The following FREM3 variants were observed in gnomAD, a reference collection of about 807,000 sequenced individuals.
The protein encoded by FREM3 is FRAS1-related extracellular matrix protein 3.
Under a neutral mutation model 129.1 loss-of-function variants are expected in FREM3, and 105 were observed. The observed-to-expected ratio is 0.81, with a 90% CI of 0.69 to 0.96. The LOEUF is 0.96. FREM3 is among the 40% of genes least tolerant of loss of function. The pLI is 0.00. For synonymous variants in FREM3, 1,014 were observed against 1,044.9 expected (o/e 0.97, Z 0.57); for missense variants, 2,593 against 2,666.3 (o/e 0.97, Z 0.61).
intron 2 of FREM3, among the ~76,000 whole-genome samples, chr4:143,676,246 T>G (rs1740117611): frequency 6.6e-6 from 1 of 151,890 alleles, no homozygotes; most frequent in Non-Finnish European, 1.5e-5. Flanking sequence ...CATATGCAAA[T>G]CAATAAACTT....
Position 143,577,494 on chromosome 4 carries a change from C to T in FREM3, c.*117G>A. ...ATTTCCACATATCACCAGAATATAACACCAATGACAGTACAATATCACTGA... is the reference window on the plus strand; with the variant it reads ...ATTTCCACATATCACCAGAATATAATACCAATGACAGTACAATATCACTGA... On this transcript the variant is annotated 3_prime_UTR_variant, in exon 8 of 8. Transcript: ENST00000329798. 1 of 938,414 alleles carries T rather than the reference C, an allele frequency of 1.1e-6. No homozygotes were observed. Among genetic ancestry groups the T allele is most frequent in the Non-Finnish European group, 1.6e-6 (1 of 643,222 alleles). The allele number at this position is 938,414 out of a possible 1,614,324, so 58.1% of individuals were successfully genotyped here. A position where few individuals can be genotyped will look rare whatever the true frequency, so the allele number is the denominator to read the frequency against.
intron 2 of FREM3, among the ~76,000 whole-genome samples, chr4:143,672,801 C>T (rs1379079601): frequency 6.6e-6 from 1 of 152,106 alleles, no homozygotes. Flanking sequence ...CTTTTTATTC[C>T]TTTTTCTCTA....
intron 2 of FREM3, among the ~76,000 whole-genome samples, chr4:143,642,952 C>A (rs528178976): frequency 6.6e-6 from 1 of 152,090 alleles, no homozygotes; most frequent in Non-Finnish European, 1.5e-5. Flanking sequence ...AAACAATGGG[C>A]AGAAGGCCTT....
chr4:143,602,728 G>A (rs1427800613), intron 6 of FREM3, among the ~76,000 whole-genome samples: 2 of 152,162 alleles, frequency 1.3e-5, no homozygotes, highest in Non-Finnish European at 2.9e-5. Flanking sequence ...GTAGAGTCAG[G>A]CTAGGTTAGC....
chr4:143,598,743 A>G (rs1350291342), intron 6 of FREM3, among the ~76,000 whole-genome samples: 1 of 152,150 alleles, frequency 6.6e-6, no homozygotes, highest in Non-Finnish European at 1.5e-5. Flanking sequence ...CTGTATTTTT[A>G]TTATACCTTT....
At chr4:143,658,655 G>A (rs1258416989) in intron 2 of FREM3, among the ~76,000 whole-genome samples, 7 of 152,138 alleles carry the variant, frequency 4.6e-5, no homozygotes, top group Non-Finnish European at 1.0e-4. Flanking sequence ...GCCCAGGATG[G>A]CTTTGAATGT....
chr4:143,601,292 C>G (rs1339489927), intron 6 of FREM3, among the ~76,000 whole-genome samples: 1 of 152,174 alleles, frequency 6.6e-6, no homozygotes, highest in African/African-American at 2.4e-5. Context: ...TTTTTCCTTA[C>G]AATGTTTTCT....
At chr4:143,625,828 G>A (rs1739028323) in intron 3 of FREM3, among the ~76,000 whole-genome samples, 1 of 152,196 alleles carries the variant, frequency 6.6e-6, no homozygotes, top group Admixed American at 6.5e-5. Context: ...TGTTTGATGA[G>A]TGCCACAGAA....
At chr4:143,605,578 AAC>A in intron 6 of FREM3, among the ~76,000 whole-genome samples, 1 of 152,216 alleles carries the variant, frequency 6.6e-6, no homozygotes, top group Non-Finnish European at 1.5e-5. Flanking sequence ...AAATATAAAC[AAC>A]AGAGTCAAAG....
At chr4:143,595,183 C>G (rs1237353976) in intron 6 of FREM3, among the ~76,000 whole-genome samples, 1 of 152,146 alleles carries the variant, frequency 6.6e-6, no homozygotes, top group African/African-American at 2.4e-5. Context: ...CCATACAGAA[C>G]AGAATGGATG....
intron 2 of FREM3, among the ~76,000 whole-genome samples, chr4:143,636,296 C>T (rs1036074810): frequency 4.6e-5 from 6 of 129,892 alleles, no homozygotes; most frequent in South Asian, 2.3e-4. Flanking sequence ...ATGCCCATTA[C>T]GAGGTAAATA....
chr4:143,621,234 G>A, intron 4 of FREM3, 72 bp from the exon 5 acceptor site: 1 of 1,377,168 alleles, frequency 7.3e-7, no homozygotes, highest in Non-Finnish European at 9.9e-7. Flanking sequence ...CACCTGAGCA[G>A]AAATGTACAA....
At chr4:143,640,826 G>T (rs1166551075) in intron 2 of FREM3, among the ~76,000 whole-genome samples, 1 of 151,930 alleles carries the variant, frequency 6.6e-6, no homozygotes, top group African/African-American at 2.4e-5. Context: ...TAAGTTATGA[G>T]GGTCTTATTC....
intron 2 of FREM3, among the ~76,000 whole-genome samples, chr4:143,676,119 G>T (rs1255621718): frequency 2.0e-5 from 3 of 152,200 alleles, no homozygotes; most frequent in African/African-American, 7.2e-5. Flanking sequence ...TATCCCTGAT[G>T]AACATTGATG....
intron 2 of FREM3, among the ~76,000 whole-genome samples, chr4:143,691,465 A>G (rs1740469367): frequency 6.6e-6 from 1 of 152,158 alleles, no homozygotes; most frequent in Admixed American, 6.6e-5. Context: ...ATTCTATTCC[A>G]GTAAGGACCA....
intron 2 of FREM3, among the ~76,000 whole-genome samples, chr4:143,679,945 A>C (rs904840898): frequency 6.6e-6 from 1 of 152,104 alleles, no homozygotes; most frequent in Non-Finnish European, 1.5e-5. Context: ...TATAATGGGG[A>C]CATTTCTGAT....
chr4:143,691,418 T>TAAAAAAA (rs11302181), intron 2 of FREM3, among the ~76,000 whole-genome samples: 1 of 149,820 alleles, frequency 6.7e-6, no homozygotes, highest in Non-Finnish European at 1.5e-5. Flanking sequence ...ATGGAAAAAT[T>TAAAAAAA]AAAAAAAAAA....
chr4:143,689,550 T>C (rs184019884), intron 2 of FREM3, among the ~76,000 whole-genome samples: 48 of 152,102 alleles, frequency 3.2e-4, no homozygotes, highest in African/African-American at 1.1e-3. Context: ...CAGAGGAAAA[T>C]AAGTCATTAT....
chr4:143,635,421 C>T (rs1300808049), intron 2 of FREM3, among the ~76,000 whole-genome samples: 1 of 152,140 alleles, frequency 6.6e-6, no homozygotes, highest in Non-Finnish European at 1.5e-5. Flanking sequence ...GTACTACTGA[C>T]ATTATGGGCT....
Sources: allele counts gnomAD v4.1 joint callset (sites outside exome capture counted in the v4.1 genomes callset), GRCh38; gene constraint gnomAD v4.1.1; transcripts MANE v1.5; gene names NCBI Gene and HGNC (gene_info 2026-07-23, HGNC 2026-07-21).